The following DLG2 variants were observed in gnomAD, a reference collection of about 807,000 sequenced individuals.
DLG2 encodes the protein disks large homolog 2.
In DLG2, 45 loss-of-function variants were observed where a neutral mutation model predicts 132.5. The ratio of observed to expected loss-of-function variants is 0.34; its 90% CI spans 0.27 to 0.44. The LOEUF is 0.44. DLG2 is among the 20% of genes least tolerant of loss of function. The pLI is 1.00. For synonymous variants in DLG2, 424 were observed against 419.6 expected (o/e 1.01, Z -0.13); for missense variants, 1,045 against 1,196.9 (o/e 0.87, Z 1.87).
At chr11:84,308,817 C>G (rs879492276) in intron 7 of DLG2, among the ~76,000 whole-genome samples, 3 of 152,216 alleles carry the variant, frequency 2.0e-5, no homozygotes, top group Non-Finnish European at 4.4e-5. Flanking sequence ...GCAGGGCCAG[C>G]TGGCCACTCC....
intron 11 of DLG2, among the ~76,000 whole-genome samples, chr11:84,030,416 A>C (rs965469358): frequency 2.0e-5 from 3 of 152,154 alleles, no homozygotes; most frequent in Admixed American, 6.6e-5. Context: ...TATGATATAC[A>C]AGTTGAAAAG....
chr11:85,003,360 G>A (rs1328177720), intron 6 of DLG2, among the ~76,000 whole-genome samples: 1 of 152,032 alleles, frequency 6.6e-6, no homozygotes, highest in Non-Finnish European at 1.5e-5. Flanking sequence ...ATACCACATG[G>A]AAATTGCAAG....
At chr11:84,257,035 C>A (rs746495621) in intron 7 of DLG2, among the ~76,000 whole-genome samples, 1 of 152,138 alleles carries the variant, frequency 6.6e-6, no homozygotes, top group African/African-American at 2.4e-5. Flanking sequence ...TATGCACATA[C>A]CCCATCAACT....
chr11:85,251,327 G>A (rs534738764), intron 4 of DLG2, among the ~76,000 whole-genome samples: 11 of 152,242 alleles, frequency 7.2e-5, no homozygotes, highest in African/African-American at 2.4e-4. Flanking sequence ...TCTCATCTGT[G>A]GGAATTATAC....
chr11:85,102,660 A>AATCGCACAGTTAAC (rs2071067026), intron 6 of DLG2, among the ~76,000 whole-genome samples: 1 of 151,980 alleles, frequency 6.6e-6, no homozygotes, highest in Non-Finnish European at 1.5e-5. Flanking sequence ...CATCTACAAA[A>AATCGCACAGTTAAC]ATTGCACAGT....
intron 14 of DLG2, among the ~76,000 whole-genome samples, chr11:83,933,194 A>C (rs1280367529): frequency 1.3e-5 from 2 of 152,182 alleles, no homozygotes; most frequent in Non-Finnish European, 2.9e-5. Flanking sequence ...TTGGTAAGGA[A>C]GTGCCAAGGG....
intron 22 of DLG2, among the ~76,000 whole-genome samples, chr11:83,477,416 C>T (rs2092703829): frequency 6.6e-6 from 1 of 151,992 alleles, no homozygotes; most frequent in African/African-American, 2.4e-5. Context: ...AGTTGGAAAA[C>T]CTATTTTATA....
At chr11:83,753,786 C>CAT (rs2093458133) in intron 18 of DLG2, among the ~76,000 whole-genome samples, 2 of 111,070 alleles carry the variant, frequency 1.8e-5, no homozygotes, top group Middle Eastern at 4.5e-3. Flanking sequence ...ATATATATGT[C>CAT]ATATATATGA....
chr11:84,317,959 T>C (rs2098377699), intron 7 of DLG2, among the ~76,000 whole-genome samples: 1 of 152,212 alleles, frequency 6.6e-6, no homozygotes, highest in Non-Finnish European at 1.5e-5. Context: ...AAGGCAGTTT[T>C]CAAGGTTTAA....
intron 12 of DLG2, among the ~76,000 whole-genome samples, chr11:83,971,200 A>AATCATG (rs1355937506): frequency 4.6e-5 from 7 of 152,152 alleles, no homozygotes; most frequent in Middle Eastern, 3.4e-3. Context: ...CAAGGAAAAA[A>AATCATG]ATCATGTGAA....
At chr11:84,250,665 G>A (rs2097360089) in intron 8 of DLG2, among the ~76,000 whole-genome samples, 1 of 152,114 alleles carries the variant, frequency 6.6e-6, no homozygotes. Flanking sequence ...CTATCTTCAA[G>A]AACTTTTGCC....
chr11:84,240,221 A>G (rs547117048), intron 8 of DLG2, among the ~76,000 whole-genome samples: 1 of 152,322 alleles, frequency 6.6e-6, no homozygotes, highest in East Asian at 1.9e-4. Flanking sequence ...CAAGGGTGGT[A>G]AAAAAGAAAA....
At chr11:83,721,260 C>T (rs1334107039) in intron 18 of DLG2, among the ~76,000 whole-genome samples, 1 of 152,174 alleles carries the variant, frequency 6.6e-6, no homozygotes, top group Non-Finnish European at 1.5e-5. Flanking sequence ...CAGACCCTTA[C>T]TATTGAGTAA....
chr11:83,753,881 T>TG (rs1566833271), intron 18 of DLG2, among the ~76,000 whole-genome samples: 865 of 79,744 alleles, frequency 0.011, 100 homozygotes, highest in African/African-American at 0.078. Flanking sequence ...ATATGATATA[T>TG]ATCATATATA....
At chr11:85,609,260 C>T (rs1268698560) in intron 2 of DLG2, among the ~76,000 whole-genome samples, 2 of 152,134 alleles carry the variant, frequency 1.3e-5, no homozygotes, top group Non-Finnish European at 2.9e-5. Flanking sequence ...CTAAAAGATA[C>T]ATTTATTACC....
At chr11:85,113,566 G>A (rs148478344) in intron 5 of DLG2, among the ~76,000 whole-genome samples, 1 of 152,134 alleles carries the variant, frequency 6.6e-6, no homozygotes, top group East Asian at 1.9e-4. Context: ...GATGACACAT[G>A]TCATGTGAAC....
intron 3 of DLG2, among the ~76,000 whole-genome samples, chr11:85,537,345 C>G (rs368762337): frequency 6.6e-6 from 1 of 152,184 alleles, no homozygotes; most frequent in Non-Finnish European, 1.5e-5. Context: ...GGCTGTGGAA[C>G]CTTTGTTCTT....
At chr11:85,482,032 CCAG>C (rs2093307511) in intron 3 of DLG2, among the ~76,000 whole-genome samples, 1 of 152,062 alleles carries the variant, frequency 6.6e-6, no homozygotes, top group Admixed American at 6.5e-5. Flanking sequence ...CAGATCAGAC[CCAG>C]CAGAAGACAT....
At chr11:83,653,136 G>A (rs1182708508) in intron 18 of DLG2, among the ~76,000 whole-genome samples, 3 of 152,158 alleles carry the variant, frequency 2.0e-5, no homozygotes, top group Non-Finnish European at 4.4e-5. Flanking sequence ...GAAATTACCT[G>A]AACAACAAAG....
Sources: gnomAD v4.1 joint callset for allele counts (sites outside exome capture counted in the v4.1 genomes callset) on GRCh38, gnomAD v4.1.1 for gene constraint, MANE v1.5 for transcripts, NCBI Gene and HGNC (gene_info 2026-07-23, HGNC 2026-07-21) for gene names.